The following RNF4 variants were observed in gnomAD, a reference collection of about 807,000 sequenced individuals.
RNF4 encodes E3 ubiquitin-protein ligase RNF4.
In RNF4, 7 loss-of-function variants were observed where a neutral mutation model predicts 24.3. The ratio of observed to expected loss-of-function variants is 0.29; its 90% CI spans 0.16 to 0.54. The LOEUF (loss-of-function observed/expected upper bound fraction) is 0.54. RNF4 is among the 20% of genes least tolerant of loss of function. The probability of loss-of-function intolerance (pLI) is 0.95; values close to 1 mark genes in which losing one functional copy is unlikely to be tolerated. For synonymous variants in RNF4, 83 were observed against 84.3 expected, an observed-to-expected ratio of 0.98 and a Z score of 0.09; for missense variants, 209 against 248.5, an observed-to-expected ratio of 0.84 and a Z score of 1.07.
intron 7 of RNF4, 120 bp from the exon 8 acceptor site, chr4:2,513,550 G>C (rs2354513): frequency 0.051 from 61,601 of 1,196,156 alleles, 2,050 homozygotes; most frequent in South Asian, 0.12. Flanking sequence ...CCCTGTTGTA[G>C]CCTGGCCCTT....
At chr4:2,489,441 C>A (rs544954462) in intron 1 of RNF4, among the ~76,000 whole-genome samples, 1 of 152,146 alleles carries the variant, frequency 6.6e-6, no homozygotes. Flanking sequence ...AACTCCATCT[C>A]GTTATGCTAC....
intron 1 of RNF4, among the ~76,000 whole-genome samples, chr4:2,489,488 A>G (rs846236): frequency 0.2 from 29,819 of 152,114 alleles, 3,267 homozygotes; most frequent in East Asian, 0.38. Flanking sequence ...TGGAAGCAGC[A>G]CCTGGGAACT....
At chr4:2,488,812 T>TA (rs1560404868) in intron 1 of RNF4, among the ~76,000 whole-genome samples, 1 of 151,830 alleles carries the variant, frequency 6.6e-6, no homozygotes, top group African/African-American at 2.4e-5. Flanking sequence ...TATTTTCATT[T>TA]TTTATTTATT....
At chr4:2,502,483 A>G (rs1560410915) in intron 4 of RNF4, among the ~76,000 whole-genome samples, 1 of 152,042 alleles carries the variant, frequency 6.6e-6, no homozygotes, top group Non-Finnish European at 1.5e-5. Context: ...CAGGAGTTTG[A>G]CATCAGCCTG....
rs1736315385 is a variant in RNF4 at position 2,513,108 on chromosome 4, A to G, written c.400A>G (p.Ile134Val). The change falls in exon 7 of 8, where the codon ATC (isoleucine) becomes GTC (valine). Residue 134 changes from isoleucine to valine, a missense_variant. By Grantham distance (29) the Ile-to-Val change is conservative. Coordinates refer to ENST00000314289, the MANE Select transcript of RNF4 (RefSeq NM_002938.5). ...LRPSGTVSCPICMDGYSEIVQ... is the reference protein window; with the variant it reads ...LRPSGTVSCPVCMDGYSEIVQ... ...GCCCTCAGGTACTGTCAGTTGTCCC[A>G]TCTGCATGGACGGATACTCAGAGGT... 1.2e-6 allele frequency: 2 copies of G among 1,613,920 alleles called. No homozygotes were observed. The highest frequency in any genetic ancestry group is 8.5e-7 in the Non-Finnish European group (1 of 1,179,816).
In RNF4 at chr4:2,505,140, C is replaced by A. The variant is rs576004542; in HGVS notation, c.204+4402C>A. The A allele has an allele frequency of 3.9e-5, 6 of 152,244 alleles. No individual in the cohort carries two copies. In the South Asian group the frequency reaches 1.0e-3, roughly 26 times the overall value. 9.4% of individuals were successfully genotyped at this position (152,244 alleles called of 1,614,324 possible). On this transcript the variant is annotated intron_variant, in intron 4 of 7. Coordinates refer to ENST00000314289, the MANE Select transcript of RNF4 (RefSeq NM_002938.5). Reference sequence around the variant, plus strand: ...CATCCCAGTAGCTTTTCCAGAACTGCTGTCTTCACCACAAAGCTCCCTACG... The same window carrying A: ...CATCCCAGTAGCTTTTCCAGAACTGATGTCTTCACCACAAAGCTCCCTACG...
At chr4:2,475,440 G>A (rs1484549511) in intron 1 of RNF4, among the ~76,000 whole-genome samples, 4 of 152,106 alleles carry the variant, frequency 2.6e-5, no homozygotes, top group African/African-American at 9.7e-5. Context: ...CCAGGTTCAC[G>A]CCATTCTCCT....
intron 1 of RNF4, among the ~76,000 whole-genome samples, chr4:2,476,200 C>G (rs1735066034): frequency 6.6e-6 from 1 of 152,186 alleles, no homozygotes; most frequent in African/African-American, 2.4e-5. Context: ...TTTAGCCAAA[C>G]TACTGCTAAA....
At chr4:2,470,633 A>T (rs74722774) in intron 1 of RNF4, among the ~76,000 whole-genome samples, 9,235 of 152,212 alleles carry the variant, frequency 0.061, 915 homozygotes, top group African/African-American at 0.21. Context: ...TAATGTATGC[A>T]CATCTGTGCT....
chr4:2,486,342 G>A (rs891213909), intron 1 of RNF4, among the ~76,000 whole-genome samples: 11 of 152,084 alleles, frequency 7.2e-5, no homozygotes, highest in African/African-American at 1.2e-4. Flanking sequence ...TCCCATGACC[G>A]CTAAGGTCTC....
intron 1 of RNF4, among the ~76,000 whole-genome samples, chr4:2,473,960 A>G (rs915546458): frequency 6.6e-6 from 1 of 152,212 alleles, no homozygotes; most frequent in African/African-American, 2.4e-5. Flanking sequence ...ACTGCATAGT[A>G]ATCCCGGCCA....
chr4:2,490,311 A>G (rs1735541337), intron 1 of RNF4, 26 bp from the exon 2 acceptor site: 1 of 597,052 alleles, frequency 1.7e-6, no homozygotes, highest in South Asian at 2.1e-5. Context: ...GGCAGTATTT[A>G]TCAAATTAAT....
chr4:2,494,507 A>G (rs1458594577), intron 2 of RNF4: 1 of 151,052 alleles, frequency 6.6e-6, no homozygotes, highest in East Asian at 2.0e-4. Context: ...CCTCCCAAGT[A>G]GCTGGGACTA....
intron 2 of RNF4, 114 bp from the exon 3 acceptor site, chr4:2,496,893 A>T (rs1455514600): frequency 1.4e-6 from 1 of 692,428 alleles, no homozygotes; most frequent in Admixed American, 3.0e-5. Context: ...CCTAACTTCA[A>T]GTCTACTCGC....
intron 1 of RNF4, among the ~76,000 whole-genome samples, chr4:2,475,563 C>G (rs1304638178): frequency 6.6e-6 from 1 of 151,714 alleles, no homozygotes; most frequent in African/African-American, 2.4e-5. Flanking sequence ...TGGTCTCGAT[C>G]TCCTGACCTC....
At chr4:2,494,045 C>T (rs916114483) in intron 2 of RNF4, among the ~76,000 whole-genome samples, 5 of 151,920 alleles carry the variant, frequency 3.3e-5, no homozygotes, top group African/African-American at 1.2e-4. Context: ...GTTTCAGCAT[C>T]TTGGCCAGGC....
At chr4:2,496,981 A>T (rs1735755686) in intron 2 of RNF4, 26 bp from the exon 3 acceptor site, 1 of 1,531,664 alleles carries the variant, frequency 6.5e-7, no homozygotes, top group African/African-American at 1.4e-5. Flanking sequence ...TGTTCATGTG[A>T]CTCTTCTTTC....
At chr4:2,488,157 A>G (rs935163652) in intron 1 of RNF4, among the ~76,000 whole-genome samples, 1 of 152,110 alleles carries the variant, frequency 6.6e-6, no homozygotes, top group African/African-American at 2.4e-5. Context: ...GGAGGTATGC[A>G]TCCTTTCTTA....
chr4:2,488,103 A>T (rs1359827387), intron 1 of RNF4, among the ~76,000 whole-genome samples: 1 of 152,134 alleles, frequency 6.6e-6, no homozygotes, highest in East Asian at 1.9e-4. Flanking sequence ...GTGTTTGCTC[A>T]TTGCTGTATT....
Sources: allele counts gnomAD v4.1 joint callset (sites outside exome capture counted in the v4.1 genomes callset), GRCh38; gene constraint gnomAD v4.1.1; transcripts MANE v1.5; gene names NCBI Gene and HGNC (gene_info 2026-07-23, HGNC 2026-07-21).